The following PARD3B variants were observed in gnomAD, a reference collection of about 807,000 sequenced individuals.
PARD3B encodes the protein partitioning defective 3 homolog B.
In PARD3B, 103 loss-of-function variants were observed where a neutral mutation model predicts 130.2. The observed-to-expected ratio is 0.79, with a 90% CI of 0.67 to 0.93. The LOEUF is 0.93. Ranked by LOEUF, PARD3B falls within the 40% of genes least tolerant of loss-of-function variation. The pLI is 0.00. For synonymous variants in PARD3B, 583 were observed against 553.2 expected, an observed-to-expected ratio of 1.05 and a Z score of -0.76; for missense variants, 1,609 against 1,499.2, an observed-to-expected ratio of 1.07 and a Z score of -1.21.
chr2:205,045,234 CATTATTATTACT>C (rs999261273), intron 3 of PARD3B, among the ~76,000 whole-genome samples: 4 of 149,554 alleles, frequency 2.7e-5, no homozygotes, highest in African/African-American at 4.9e-5. Context: ...GAATACTTAT[CATTATTATTACT>C]ATTATTATTA....
chr2:205,361,240 A>G (rs1430598644), intron 18 of PARD3B, among the ~76,000 whole-genome samples: 1 of 152,236 alleles, frequency 6.6e-6, no homozygotes, highest in Admixed American at 6.5e-5. Flanking sequence ...TCTGCAGGAC[A>G]GTATATTTGG....
chr2:204,933,051 A>G lies in PARD3B; in HGVS notation c.223-32101A>G, dbSNP rs138902610. Among the ~76,000 whole-genome samples, 1,035 of 152,292 alleles carry G rather than the reference A, an allele frequency of 6.8e-3. 16 individuals carry two copies. Among genetic ancestry groups the G allele is most frequent in the African/African-American group, 0.023 (948 of 41,568 alleles). On this transcript the variant is annotated intron_variant, in intron 2 of 22. Transcript: ENST00000406610. Reference sequence around the variant, plus strand: ...CAGCCTCTAAGTGACCTCTGTCTCAAACCTCTTAGGAAAATGTTGGTGTGA... The same window carrying G: ...CAGCCTCTAAGTGACCTCTGTCTCAGACCTCTTAGGAAAATGTTGGTGTGA...
chr2:204,821,208 C>G (rs1318934852), intron 2 of PARD3B, among the ~76,000 whole-genome samples: 1 of 152,128 alleles, frequency 6.6e-6, no homozygotes, highest in Non-Finnish European at 1.5e-5. Flanking sequence ...TGGGAAACAA[C>G]TGACTCATGG....
intron 22 of PARD3B, among the ~76,000 whole-genome samples, chr2:205,573,996 G>A (rs914409389): frequency 2.4e-4 from 36 of 152,264 alleles, no homozygotes; most frequent in Non-Finnish European, 4.1e-4. Flanking sequence ...GGAGGAAAAA[G>A]AAGAAATCCT....
intron 20 of PARD3B, among the ~76,000 whole-genome samples, chr2:205,494,000 A>G (rs1427566630): frequency 6.6e-6 from 1 of 152,006 alleles, no homozygotes; most frequent in Non-Finnish European, 1.5e-5. Context: ...ACCTCAGGTG[A>G]TCTGCCCACC....
chr2:205,519,956 C>T (rs1575231347), intron 21 of PARD3B, among the ~76,000 whole-genome samples: 1 of 152,170 alleles, frequency 6.6e-6, no homozygotes, highest in East Asian at 1.9e-4. Flanking sequence ...CCCTGTGTTT[C>T]CTCATCATTG....
At chr2:204,637,922 C>T (rs1574595664) in intron 1 of PARD3B, among the ~76,000 whole-genome samples, 1 of 152,012 alleles carries the variant, frequency 6.6e-6, no homozygotes, top group African/African-American at 2.4e-5. Context: ...GTGGAAGACC[C>T]TGACAGAAAG....
At chr2:205,224,388 A>AAAAAAAG (rs2038421779) in intron 15 of PARD3B, among the ~76,000 whole-genome samples, 2 of 133,378 alleles carry the variant, frequency 1.5e-5, no homozygotes, top group Non-Finnish European at 3.2e-5. Context: ...AAAAAAAAAA[A>AAAAAAAG]GAAAGAAAGA....
intron 19 of PARD3B, among the ~76,000 whole-genome samples, chr2:205,428,199 A>G (rs2047211059): frequency 6.6e-6 from 1 of 152,112 alleles, no homozygotes; most frequent in Non-Finnish European, 1.5e-5. Flanking sequence ...CCTGGCCAAC[A>G]TGGAAAAAAC....
At chr2:204,560,094 A>T (rs2031213590) in intron 1 of PARD3B, among the ~76,000 whole-genome samples, 1 of 152,116 alleles carries the variant, frequency 6.6e-6, no homozygotes. Context: ...TGTAAATGAC[A>T]GGTTGATGGT....
In PARD3B at chr2:205,460,428, GATGATGATA is replaced by G; in HGVS notation, c.3044+19757_3044+19765del. Among the ~76,000 whole-genome samples the G allele has an allele frequency of 6.6e-6, 1 of 150,396 alleles. No individual in the cohort carries two copies. The highest frequency in any genetic ancestry group is 2.1e-4 in the South Asian group (1 of 4,790). On this transcript the variant is annotated intron_variant, in intron 20 of 22. Coordinates refer to ENST00000406610, the MANE Select transcript of PARD3B (RefSeq NM_001302769.2). The surrounding 1 kb of genome is among the most constrained non-coding windows in gnomAD (Gnocchi z 4.9). ...TGATGATGATGATGATGATGATGAT[GATGATGATA>G]GTCAATAGTAGTATTTATTGTATAT... is the stretch of plus-strand genomic sequence containing the variant.
intron 2 of PARD3B, among the ~76,000 whole-genome samples, chr2:204,788,730 A>T (rs942199390): frequency 6.6e-6 from 1 of 152,122 alleles, no homozygotes; most frequent in Non-Finnish European, 1.5e-5. Context: ...TTGAGGTGAG[A>T]TGATTGCAAA....
intron 4 of PARD3B, among the ~76,000 whole-genome samples, chr2:205,068,656 C>T (rs1176896294): frequency 6.6e-6 from 1 of 151,972 alleles, no homozygotes; most frequent in African/African-American, 2.4e-5. Context: ...TACATGAATG[C>T]ACTGAAACAT....
At chr2:205,396,072 C>A (rs925020820) in intron 18 of PARD3B, among the ~76,000 whole-genome samples, 1 of 152,208 alleles carries the variant, frequency 6.6e-6, no homozygotes, top group East Asian at 1.9e-4. Flanking sequence ...ATCAAGCCTT[C>A]CCCACACATG....
intron 15 of PARD3B, among the ~76,000 whole-genome samples, chr2:205,196,087 T>C (rs2125813868): frequency 6.6e-6 from 1 of 152,256 alleles, no homozygotes; most frequent in Non-Finnish European, 1.5e-5. Context: ...CAATTCCAAT[T>C]AAGAAAAAAT....
intron 19 of PARD3B, among the ~76,000 whole-genome samples, chr2:205,412,509 A>T (rs569533752): frequency 1.6e-4 from 25 of 152,226 alleles, no homozygotes; most frequent in Non-Finnish European, 2.6e-4. Context: ...TTGGAGATGA[A>T]TGAATCAGTG....
intron 2 of PARD3B, among the ~76,000 whole-genome samples, chr2:204,730,964 A>G (rs971250552): frequency 3.3e-5 from 5 of 152,206 alleles, no homozygotes; most frequent in Non-Finnish European, 7.3e-5. Flanking sequence ...TTTCAGTGAC[A>G]GTAGCCTGAA....
chr2:205,027,274 T>C (rs1490958498), intron 3 of PARD3B, among the ~76,000 whole-genome samples: 1 of 152,146 alleles, frequency 6.6e-6, no homozygotes, highest in Admixed American at 6.6e-5. Flanking sequence ...TGAGGTGATA[T>C]CTCATTGTGG....
At chr2:204,758,233 G>C (rs150952686) in intron 2 of PARD3B, among the ~76,000 whole-genome samples, 1 of 152,090 alleles carries the variant, frequency 6.6e-6, no homozygotes, top group Non-Finnish European at 1.5e-5. Flanking sequence ...AAGGAAACCC[G>C]AAAGCTCAGT....
Sources: allele counts gnomAD v4.1 joint callset (sites outside exome capture counted in the v4.1 genomes callset), GRCh38; gene constraint gnomAD v4.1.1; non-coding constraint Gnocchi (gnomAD v3.1); transcripts MANE v1.5; gene names NCBI Gene and HGNC (gene_info 2026-07-23, HGNC 2026-07-21).